The following DLG1 variants were observed in gnomAD, a reference collection of about 807,000 sequenced individuals.
DLG1 encodes the protein discs large MAGUK scaffold protein 1, also known as disks large homolog 1.
In DLG1, 42 loss-of-function variants were observed where a neutral mutation model predicts 123.4. The ratio of observed to expected loss-of-function variants is 0.34; its 90% CI spans 0.27 to 0.44. The LOEUF (loss-of-function observed/expected upper bound fraction) is 0.44, where lower values mean the gene tolerates loss of function less well. DLG1 is among the 20% of genes least tolerant of loss of function. The probability of loss-of-function intolerance (pLI) is 1.00; values close to 1 mark genes in which losing one functional copy is unlikely to be tolerated. For missense variants in DLG1, 942 were observed against 1,082.6 expected, an observed-to-expected ratio of 0.87 and a Z score of 1.82; for synonymous variants, 317 against 356.2, an observed-to-expected ratio of 0.89 and a Z score of 1.24.
chr3:197,184,226 G>A (rs915017156), intron 5 of DLG1: 1 of 552,550 alleles, frequency 1.8e-6, no homozygotes, highest in African/African-American at 2.0e-5. Flanking sequence ...GGGGCTGCCT[G>A]ATTTAATGCA....
rs755357695 is a variant in DLG1, at chr3:197,115,920, G to A, written c.1443+7C>T. The A allele has an allele frequency of 2.8e-5, 45 of 1,609,226 alleles. No individual in the cohort carries two copies. Among genetic ancestry groups the A allele is most frequent in the Non-Finnish European group, 3.6e-5 (42 of 1,178,570 alleles). On this transcript the variant is annotated splice_region_variant and intron_variant, in intron 13 of 24. Coordinates refer to ENST00000667157, the MANE Select transcript of DLG1 (RefSeq NM_001366207.1). ...ACAAAAACGTGATCTTGACTAACGT[G>A]TCTTACCGATATAATACGATCTCCT...
At chr3:197,239,854 A>AAAAAAAAAAAAAT (rs1747962912) in intron 4 of DLG1, among the ~76,000 whole-genome samples, 1 of 151,634 alleles carries the variant, frequency 6.6e-6, no homozygotes, top group Non-Finnish European at 1.5e-5. Flanking sequence ...AAAAAAAAAA[A>AAAAAAAAAAAAAT]AAAGAATTCT....
chr3:197,199,013 A>C (rs1312867645), intron 4 of DLG1, among the ~76,000 whole-genome samples: 1 of 152,252 alleles, frequency 6.6e-6, no homozygotes, highest in Non-Finnish European at 1.5e-5. Context: ...CTCTGCGCAC[A>C]TAACCATATA....
At chr3:197,106,568 C>G (rs1447996907) in intron 13 of DLG1, among the ~76,000 whole-genome samples, 1 of 152,142 alleles carries the variant, frequency 6.6e-6, no homozygotes, top group Non-Finnish European at 1.5e-5. Context: ...AAAGAAAATC[C>G]TCCCAATTCC....
chr3:197,234,723 C>A (rs909524898), intron 4 of DLG1, among the ~76,000 whole-genome samples: 1 of 152,016 alleles, frequency 6.6e-6, no homozygotes, highest in East Asian at 1.9e-4. Flanking sequence ...TATATATAAT[C>A]ACAGAAAAAT....
At chr3:197,063,491 G>C (rs1289424281) in intron 22 of DLG1, among the ~76,000 whole-genome samples, 1 of 151,852 alleles carries the variant, frequency 6.6e-6, no homozygotes, top group Non-Finnish European at 1.5e-5. Flanking sequence ...GCAGAGATTT[G>C]TATTTTCCCA....
intron 13 of DLG1, among the ~76,000 whole-genome samples, chr3:197,114,108 T>C (rs988518758): frequency 6.6e-6 from 1 of 152,106 alleles, no homozygotes. Flanking sequence ...CAGATTCACA[T>C]CCACTCATAG....
At chr3:197,268,032 T>C (rs1422605983) in intron 4 of DLG1, among the ~76,000 whole-genome samples, 1 of 152,202 alleles carries the variant, frequency 6.6e-6, no homozygotes, top group African/African-American at 2.4e-5. Flanking sequence ...GATATGACTT[T>C]CACATAATTG....
chr3:197,058,645 C>G (rs890061738), intron 23 of DLG1, among the ~76,000 whole-genome samples: 1 of 152,180 alleles, frequency 6.6e-6, no homozygotes, highest in African/African-American at 2.4e-5. Context: ...GTAACTGTTT[C>G]ATGTACACTG....
At chr3:197,050,089 C>T (rs556947457) in intron 24 of DLG1, among the ~76,000 whole-genome samples, 20 of 151,792 alleles carry the variant, frequency 1.3e-4, no homozygotes, top group African/African-American at 2.9e-4. Flanking sequence ...AAAAACAGGC[C>T]GGGCACGGTG....
intron 4 of DLG1, among the ~76,000 whole-genome samples, chr3:197,270,885 A>T (rs1437333064): frequency 6.6e-6 from 1 of 152,232 alleles, no homozygotes; most frequent in Non-Finnish European, 1.5e-5. Context: ...TCTTACCAGA[A>T]ATACAAGGAT....
chr3:197,105,414 G>A (rs924451661), intron 13 of DLG1, among the ~76,000 whole-genome samples: 2 of 152,086 alleles, frequency 1.3e-5, no homozygotes, highest in African/African-American at 4.8e-5. Context: ...ACATTCTCAC[G>A]CCTACTGCTC....
intron 14 of DLG1, among the ~76,000 whole-genome samples, chr3:197,102,011 C>A (rs1424373063): frequency 6.6e-6 from 1 of 152,172 alleles, no homozygotes; most frequent in African/African-American, 2.4e-5. Context: ...CCCACCTAGG[C>A]CTTCCAAAGT....
At chr3:197,056,286 G>A (rs1345869307) in intron 23 of DLG1, among the ~76,000 whole-genome samples, 1 of 152,160 alleles carries the variant, frequency 6.6e-6, no homozygotes, top group Non-Finnish European at 1.5e-5. Context: ...TTTAAATGCT[G>A]CAGCAGTGTT....
chr3:197,068,563 AAGAAAGTT>A lies in DLG1; in HGVS notation c.2047+648_2047+655del, dbSNP rs776094246. ...CTTTCATATTAGACAGCAGTAAAAA[AAGAAAGTT>A]AGAAAAGTAATTTTAATTTTTAAGG... On this transcript the variant is annotated intron_variant, in intron 19 of 24. Transcript: ENST00000667157. The A allele has an allele frequency of 2.6e-6, 4 of 1,518,224 alleles. No individual in the cohort carries two copies. The East Asian group carries it at 9.2e-5, about 35-fold the overall frequency. 94.0% of individuals were successfully genotyped at this position (1,518,224 alleles called of 1,614,324 possible). A position where few individuals can be genotyped will look rare whatever the true frequency, so the allele number is the denominator to read the frequency against.
intron 11 of DLG1, 73 bp downstream of exon 11, chr3:197,130,453 GA>G: frequency 8.0e-7 from 1 of 1,244,702 alleles, no homozygotes; most frequent in Non-Finnish European, 1.1e-6. Context: ...TTATTATACT[GA>G]GAACATTTCA....
chr3:197,119,842 C>T (rs1775315473), intron 11 of DLG1, among the ~76,000 whole-genome samples: 2 of 152,132 alleles, frequency 1.3e-5, no homozygotes, highest in Non-Finnish European at 2.9e-5. Context: ...CAGAGGCTTT[C>T]CAATAAGTGC....
chr3:197,263,801 AAAAAG>A (rs1030862553), intron 4 of DLG1, among the ~76,000 whole-genome samples: 8 of 152,184 alleles, frequency 5.3e-5, no homozygotes, highest in African/African-American at 1.7e-4. Flanking sequence ...GAAAAAGAAA[AAAAAG>A]AAAAGAAATG....
intron 18 of DLG1, among the ~76,000 whole-genome samples, chr3:197,071,693 C>G (rs1578528979): frequency 6.6e-6 from 1 of 152,218 alleles, no homozygotes; most frequent in East Asian, 1.9e-4. Flanking sequence ...GAAAAGTGTT[C>G]AAGTTAATTA....
Sources: allele counts gnomAD v4.1 joint callset (sites outside exome capture counted in the v4.1 genomes callset), GRCh38; gene constraint gnomAD v4.1.1; transcripts MANE v1.5; gene names NCBI Gene and HGNC (gene_info 2026-07-23, HGNC 2026-07-21).